SYNE3: variants seen among roughly 807,000 people sequenced by gnomAD.
SYNE3 encodes spectrin repeat containing nuclear envelope family member 3.
Under a neutral mutation model 111.2 loss-of-function variants are expected in SYNE3, and 100 were observed. That is an observed-to-expected ratio of 0.90 (90% CI 0.77 to 1.06). The LOEUF (loss-of-function observed/expected upper bound fraction) is 1.06. Among genes scored for constraint, SYNE3 ranks in the 50% least tolerant of loss-of-function variants. The probability of loss-of-function intolerance (pLI) is 0.00; values close to 1 mark genes in which losing one functional copy is unlikely to be tolerated. For synonymous variants in SYNE3, 547 were observed against 533.9 expected, an observed-to-expected ratio of 1.02 and a Z score of -0.34; for missense variants, 1,160 against 1,240.3, an observed-to-expected ratio of 0.94 and a Z score of 0.97.
intron 8 of SYNE3, among the ~76,000 whole-genome samples, chr14:95,448,557 G>T (rs1886855642): frequency 6.6e-6 from 1 of 152,206 alleles, no homozygotes; most frequent in Admixed American, 6.5e-5. Context: ...GCATGGTGGT[G>T]CATGCCTGTA....
At chr14:95,439,256 C>G in intron 13 of SYNE3, 94 bp from the exon 14 acceptor site, 1 of 1,550,072 alleles carries the variant, frequency 6.5e-7, no homozygotes, top group Non-Finnish European at 8.8e-7. Context: ...CCACGGGTCA[C>G]GAGTCAGTGC....
At chr14:95,442,507 T>C (rs974249240) in intron 11 of SYNE3, among the ~76,000 whole-genome samples, 3 of 152,214 alleles carry the variant, frequency 2.0e-5, no homozygotes, top group African/African-American at 7.2e-5. Context: ...CCAGAGACCC[T>C]GCTTTATACT....
At chr14:95,439,586 G>A (rs748754495) in intron 13 of SYNE3, 26 bp downstream of exon 13, 6 of 1,602,676 alleles carry the variant, frequency 3.7e-6, no homozygotes, top group Non-Finnish European at 4.2e-6. Context: ...CCCAGACAAC[G>A]CTCAGAGCCT....
intron 15 of SYNE3, among the ~76,000 whole-genome samples, chr14:95,436,206 T>C (rs1045844944): frequency 6.6e-6 from 1 of 152,156 alleles, no homozygotes; most frequent in Non-Finnish European, 1.5e-5. Flanking sequence ...TTTCCTTGAC[T>C]CTAGGCTGGT....
intron 9 of SYNE3, 23 bp from the exon 10 acceptor site, chr14:95,444,651 G>A (rs1219723437): frequency 1.9e-6 from 3 of 1,563,778 alleles, no homozygotes; most frequent in Non-Finnish European, 2.6e-6. Context: ...AGGACAGTGT[G>A]CACATTAAGA....
chr14:95,484,984 G>A (rs550586355), intron 1 of SYNE3, among the ~76,000 whole-genome samples: 5 of 152,082 alleles, frequency 3.3e-5, no homozygotes, highest in Non-Finnish European at 7.4e-5. Context: ...TATAAAACTG[G>A]GGGCTAAGAA....
At chr14:95,514,386 T>C (rs1763985463) in intron 1 of SYNE3, among the ~76,000 whole-genome samples, 1 of 152,024 alleles carries the variant, frequency 6.6e-6, no homozygotes, top group Non-Finnish European at 1.5e-5. Flanking sequence ...GGGAGGACCA[T>C]GAGGGGGGTG....
chr14:95,488,832 G>A (rs192564732), intron 1 of SYNE3, among the ~76,000 whole-genome samples: 5 of 152,128 alleles, frequency 3.3e-5, no homozygotes, highest in African/African-American at 7.2e-5. Context: ...ATTCCTGCAC[G>A]GCCTTGACAA....
At position 95,417,772 on chromosome 14, in the gene SYNE3, G is replaced by A. The variant is rs961628151; in HGVS notation, c.*54C>T. The A allele has an allele frequency of 5.0e-6, 8 of 1,586,158 alleles. No homozygotes were observed. Among genetic ancestry groups the A allele is most frequent in the Non-Finnish European group, 6.9e-6 (8 of 1,154,718 alleles). On this transcript the variant is annotated 3_prime_UTR_variant, in exon 18 of 18. Coordinates refer to ENST00000682763, the MANE Select transcript of SYNE3 (RefSeq NM_152592.6). ...TTCCCTGGCGAGCATCCTCAGGAGGGGCCCTGGGACTGATGGAGGTTGGAG... is the reference window on the plus strand; with the variant it reads ...TTCCCTGGCGAGCATCCTCAGGAGGAGCCCTGGGACTGATGGAGGTTGGAG...
chr14:95,423,185 G>T (rs1885230581), intron 17 of SYNE3, among the ~76,000 whole-genome samples: 1 of 152,158 alleles, frequency 6.6e-6, no homozygotes, highest in Non-Finnish European at 1.5e-5. Context: ...GAGGGAGAGG[G>T]ATGGGACGAT....
chr14:95,516,389 A>G (rs1482810741), intron 1 of SYNE3, among the ~76,000 whole-genome samples: 2 of 151,976 alleles, frequency 1.3e-5, no homozygotes, highest in African/African-American at 4.8e-5. Context: ...GTTGGATTTA[A>G]ACTAAAAATA....
chr14:95,477,571 G>C (rs964509411), intron 1 of SYNE3, among the ~76,000 whole-genome samples: 1 of 152,210 alleles, frequency 6.6e-6, no homozygotes, highest in Non-Finnish European at 1.5e-5. Flanking sequence ...GGGGCCAGAA[G>C]AAGCTTCGGG....
Position 95,450,059 on chromosome 14 carries a change from G to C in SYNE3, c.1321C>G (p.Leu441Val), listed in dbSNP as rs778673965. ...AGAGGCCGCTGGAAATGCTGCCACA[G>C]CTCCACCGCCGCGGCATTGCGCAGC... is the stretch of plus-strand genomic sequence containing the variant. ...ARLRNAAAVE[L>V]WQHFQRPLQD... The change falls in exon 8 of 18, where the codon CTG (leucine) becomes GTG (valine). Residue 441 changes from leucine (L) to valine (V), a missense_variant. Physicochemically the swap from Leu to Val is conservative, Grantham distance 32. Coordinates refer to ENST00000682763, the MANE Select transcript of SYNE3 (RefSeq NM_152592.6). 1 of 1,569,722 alleles carries C rather than the reference G, an allele frequency of 6.4e-7. No individual in the cohort carries two copies. Among genetic ancestry groups the C allele is most frequent in the Non-Finnish European group, 8.6e-7 (1 of 1,157,262 alleles).
chr14:95,503,610 C>CTTTTTTTT (rs386382233), intron 1 of SYNE3, among the ~76,000 whole-genome samples: 2 of 91,882 alleles, frequency 2.2e-5, no homozygotes, highest in Non-Finnish European at 4.2e-5. Context: ...TCAGAACTAC[C>CTTTTTTTT]TTTTTTTTTT....
intron 14 of SYNE3, among the ~76,000 whole-genome samples, chr14:95,437,374 G>A (rs527561507): frequency 7.2e-5 from 11 of 152,174 alleles, no homozygotes; most frequent in South Asian, 2.1e-4. Flanking sequence ...AGTGTGACCC[G>A]GGAGTCTTGG....
chr14:95,432,144 A>G (rs757985746), intron 16 of SYNE3, 27 bp from the exon 17 acceptor site: 1 of 1,601,006 alleles, frequency 6.2e-7, no homozygotes, highest in East Asian at 2.2e-5. Flanking sequence ...GGAGAGGAAA[A>G]GGGGGGAAAA....
chr14:95,426,642 G>A (rs906099034), intron 17 of SYNE3, among the ~76,000 whole-genome samples: 46 of 152,096 alleles, frequency 3.0e-4, no homozygotes, highest in African/African-American at 1.0e-3. Context: ...GAAAGAGACC[G>A]AGGGCACGAG....
In SYNE3 at chr14:95,437,874, A is replaced by G. The variant is rs1269359616; in HGVS notation, c.2377-893T>C. 3.9e-5 allele frequency: 6 copies of G among 152,010 alleles called. No individual in the cohort carries two copies. In the East Asian group the frequency reaches 7.7e-4, roughly 20 times the overall value. The allele number at this position is 152,010 out of a possible 1,614,324, so 9.4% of individuals were successfully genotyped here. On this transcript the variant is annotated intron_variant, in intron 14 of 17. Transcript: ENST00000682763. ...CCCATCTTGTATGATTTTAGTTTCC[A>G]TTCTGGGGCCAGCAGGAAGTGTTCG...
chr14:95,462,999 A>C (rs1298475232), intron 4 of SYNE3, among the ~76,000 whole-genome samples: 1 of 152,154 alleles, frequency 6.6e-6, no homozygotes, highest in East Asian at 1.9e-4. Flanking sequence ...CTACTAAAAA[A>C]TACAAAATTA....
Sources: gnomAD v4.1 joint callset for allele counts (sites outside exome capture counted in the v4.1 genomes callset) on GRCh38, gnomAD v4.1.1 for gene constraint, MANE v1.5 for transcripts, NCBI Gene and HGNC (gene_info 2026-07-23, HGNC 2026-07-21) for gene names.